Variants in CUBN observed in about 807,000 individuals in gnomAD.
The protein encoded by CUBN is cubilin, also known as 460 kDa receptor.
In CUBN, 282 loss-of-function variants were observed where a neutral mutation model predicts 405.3. The observed-to-expected ratio is 0.70, with a 90% confidence interval of 0.63 to 0.77. The LOEUF (loss-of-function observed/expected upper bound fraction) is 0.77, where lower values mean the gene tolerates loss of function less well. CUBN is among the 30% of genes least tolerant of loss of function. The pLI, the probability that CUBN is intolerant of heterozygous loss-of-function variation, is 0.00. For synonymous variants in CUBN, 1,684 were observed against 1,617.0 expected (o/e 1.04, Z -0.99); for missense variants, 4,514 against 4,475.2 (o/e 1.01, Z -0.25).
chr10:16,836,770 C>T (rs948430533), intron 62 of CUBN, among the ~76,000 whole-genome samples: 1 of 152,186 alleles, frequency 6.6e-6, no homozygotes, highest in African/African-American at 2.4e-5. Context: ...CTAACAACCA[C>T]CATCACCCTG....
At chr10:17,091,531 T>G (rs1431455742) in intron 14 of CUBN, among the ~76,000 whole-genome samples, 3 of 151,996 alleles carry the variant, frequency 2.0e-5, no homozygotes, top group East Asian at 1.9e-4. Context: ...AATAAATAAA[T>G]AAAGAAGAAA....
intron 59 of CUBN, among the ~76,000 whole-genome samples, chr10:16,857,201 T>C (rs1284822592): frequency 6.6e-6 from 1 of 152,240 alleles, no homozygotes; most frequent in Admixed American, 6.5e-5. Context: ...AGGTTTTTTA[T>C]TGTTTTGTTT....
intron 54 of CUBN, among the ~76,000 whole-genome samples, chr10:16,896,515 T>C (rs1299941513): frequency 6.6e-6 from 1 of 152,234 alleles, no homozygotes; most frequent in Non-Finnish European, 1.5e-5. Context: ...TGGTTTCAGA[T>C]GAGAAATCTG....
At chr10:17,091,257 T>A (rs1836251220) in intron 14 of CUBN, among the ~76,000 whole-genome samples, 1 of 152,192 alleles carries the variant, frequency 6.6e-6, no homozygotes, top group East Asian at 1.9e-4. Context: ...AGTGTTTCAT[T>A]TTTAAATGCC....
At chr10:17,061,789 G>A (rs951214064) in intron 22 of CUBN, among the ~76,000 whole-genome samples, 5 of 152,190 alleles carry the variant, frequency 3.3e-5, no homozygotes, top group African/African-American at 1.2e-4. Context: ...ATCCACCACA[G>A]TTTGATGATA....
intron 36 of CUBN, among the ~76,000 whole-genome samples, chr10:16,946,831 T>C (rs943472898): frequency 6.6e-6 from 1 of 151,710 alleles, no homozygotes; most frequent in Non-Finnish European, 1.5e-5. Flanking sequence ...GAAGGAAAGG[T>C]GGATTGAGGT....
At chr10:16,893,545 T>G (rs1353361324) in intron 54 of CUBN, among the ~76,000 whole-genome samples, 1 of 152,206 alleles carries the variant, frequency 6.6e-6, no homozygotes, top group Non-Finnish European at 1.5e-5. Context: ...CATTGCCTTC[T>G]CTCTAACCTC....
Position 17,084,376 on chromosome 10 carries a change from C to G in CUBN, c.2196G>C (p.Arg732Ser). Residue 732 changes from arginine to serine, a missense_variant, in exon 17 of 67, where the codon AGG (arginine) becomes AGC (serine). This residue lies in a region of CUBN where 1,448 missense variants were observed against 1,388.0 expected (regional missense o/e 1.04). Coordinates refer to ENST00000377833, the MANE Select transcript of CUBN (RefSeq NM_001081.4). ...PELSGPFTHT[R>S]QCVYMMKQPQ... ...GCTGCTTCATCATATAGACGCATTG[C>G]CTGGTGTGAGTGAAAGGCCCAGACA... is the stretch of plus-strand genomic sequence containing the variant. The G allele has an allele frequency of 6.2e-7, 1 of 1,614,108 alleles. No homozygotes were observed. The highest frequency in any genetic ancestry group is 8.5e-7 in the Non-Finnish European group (1 of 1,180,022).
At chr10:16,915,704 A>G in intron 46 of CUBN, 117 bp downstream of exon 46, 2 of 834,634 alleles carry the variant, frequency 2.4e-6, no homozygotes, top group Non-Finnish European at 4.0e-6. Context: ...ATTAGTCTGC[A>G]CTTCTCTGCA....
chr10:16,925,564 A>G lies in CUBN; in HGVS notation c.6462+20T>C. The G allele has an allele frequency of 1.2e-6, 2 of 1,613,358 alleles. No homozygotes were observed. The highest frequency in any genetic ancestry group is 1.1e-5 in the South Asian group (1 of 91,062). On this transcript the variant is annotated intron_variant, in intron 42 of 66. Transcript: ENST00000377833. ...AAGTCTATGGAAAATGTAATTAGAA[A>G]GGGTAGCAGCAAGACCTACCACCAA...
intron 27 of CUBN, among the ~76,000 whole-genome samples, chr10:17,033,829 C>T (rs1021908420): frequency 6.6e-6 from 1 of 152,182 alleles, no homozygotes; most frequent in African/African-American, 2.4e-5. Flanking sequence ...TCCATAACAG[C>T]TAGCATCACT....
intron 59 of CUBN, among the ~76,000 whole-genome samples, chr10:16,861,014 C>T (rs957595425): frequency 6.6e-6 from 1 of 152,122 alleles, no homozygotes; most frequent in Non-Finnish European, 1.5e-5. Context: ...CTTTGCATAT[C>T]TCTCCTCTCT....
At chr10:17,088,106 A>C in intron 15 of CUBN, 58 bp downstream of exon 15, 1 of 1,406,628 alleles carries the variant, frequency 7.1e-7, no homozygotes, top group Non-Finnish European at 1.0e-6. Flanking sequence ...TGGCTAGACC[A>C]TAGTGCCCTG....
intron 28 of CUBN, among the ~76,000 whole-genome samples, chr10:17,008,341 T>TGTGTGTGTGTGTG (rs1401907549): frequency 6.7e-6 from 1 of 149,696 alleles, no homozygotes; most frequent in African/African-American, 2.5e-5. Context: ...TCCCCGTGTG[T>TGTGTGTGTGTGTG]GTGTGTGTGT....
chr10:16,923,791 GCTGAGGACGGTGGCTTACTCCAGTAATC>G (rs551451174), intron 43 of CUBN, among the ~76,000 whole-genome samples: 1 of 152,258 alleles, frequency 6.6e-6, no homozygotes, highest in South Asian at 2.1e-4. Context: ...GAGTCTATTG[GCTGAGGACGGTGGCTTACTCCAGTAATC>G]CTAGCACTTT....
intron 27 of CUBN, among the ~76,000 whole-genome samples, chr10:17,021,246 C>A (rs1273728017): frequency 6.6e-6 from 1 of 152,042 alleles, no homozygotes; most frequent in Non-Finnish European, 1.5e-5. Context: ...AAGGTTGTGT[C>A]CCCTTAACCT....
chr10:16,984,358 C>A, intron 29 of CUBN, 79 bp from the exon 30 acceptor site: 2 of 1,353,304 alleles, frequency 1.5e-6, no homozygotes, highest in East Asian at 2.4e-5. Context: ...CATTTTGACC[C>A]CCGGCTCCTT....
chr10:16,895,583 A>G (rs1588627866), intron 54 of CUBN, among the ~76,000 whole-genome samples: 2 of 152,164 alleles, frequency 1.3e-5, no homozygotes, highest in East Asian at 3.9e-4. Flanking sequence ...TGTTTGGTGC[A>G]TACACATTTA....
At chr10:17,108,327 C>T (rs1836685306) in intron 10 of CUBN, among the ~76,000 whole-genome samples, 1 of 152,046 alleles carries the variant, frequency 6.6e-6, no homozygotes, top group Admixed American at 6.6e-5. Flanking sequence ...AAATCATGCT[C>T]CTAACCACTT....
Sources: allele counts gnomAD v4.1 joint callset (sites outside exome capture counted in the v4.1 genomes callset), GRCh38; gene constraint gnomAD v4.1.1; regional missense constraint gnomAD v4.1.1; transcripts MANE v1.5; gene names NCBI Gene and HGNC (gene_info 2026-07-23, HGNC 2026-07-21).